The following KHDRBS2 variants were observed in gnomAD, a reference collection of about 807,000 sequenced individuals.
KHDRBS2 encodes the protein KH RNA binding domain containing, signal transduction associated 2, also known as KH domain-containing, RNA-binding, signal transduction-associated protein 2.
KHDRBS2 carries 26 observed loss-of-function variants against 44.3 expected under a neutral mutation model. That is an observed-to-expected ratio of 0.59 (90% confidence interval 0.43 to 0.81). KHDRBS2 has a LOEUF of 0.81. KHDRBS2 is among the 40% of genes least tolerant of loss of function. KHDRBS2 has a pLI of 0.00. For missense variants in KHDRBS2, 476 were observed against 433.1 expected, an observed-to-expected ratio of 1.10 and a Z score of -0.88; for synonymous variants, 194 against 151.1, an observed-to-expected ratio of 1.28 and a Z score of -2.08.
chr6:61,788,480 A>G (rs1208720711), intron 6 of KHDRBS2, among the ~76,000 whole-genome samples: 1 of 151,480 alleles, frequency 6.6e-6, no homozygotes, highest in Non-Finnish European at 1.5e-5. Flanking sequence ...ATTTGTTGTT[A>G]TACATTTGAC....
chr6:61,777,239 G>A (rs1236512483), intron 6 of KHDRBS2, among the ~76,000 whole-genome samples: 1 of 152,012 alleles, frequency 6.6e-6, no homozygotes, highest in Non-Finnish European at 1.5e-5. Context: ...GTATACATAT[G>A]TAACAAACCT....
At chr6:61,653,211 G>T in the KHDRBS2 span, among the ~76,000 whole-genome samples, 5 of 152,128 alleles carry the variant, frequency 3.3e-5, no homozygotes, top group African/African-American at 1.2e-4. Flanking sequence ...AGGTAAACAA[G>T]ATAAGGAGTT....
chr6:62,209,818 C>T (rs1407387999), intron 1 of KHDRBS2, among the ~76,000 whole-genome samples: 1 of 152,138 alleles, frequency 6.6e-6, no homozygotes, highest in Non-Finnish European at 1.5e-5. Context: ...GCTTCCTGCC[C>T]TCGAACATCA....
chr6:61,593,139 G>T, the KHDRBS2 span, among the ~76,000 whole-genome samples: 3 of 152,170 alleles, frequency 2.0e-5, no homozygotes, highest in Non-Finnish European at 4.4e-5. Flanking sequence ...ATGTTCTTAG[G>T]TTGTAATTTC....
chr6:62,106,936 T>C (rs9342666), intron 2 of KHDRBS2, among the ~76,000 whole-genome samples: 92,579 of 150,422 alleles, frequency 0.62, 28,662 homozygotes, highest in African/African-American at 0.63. Flanking sequence ...ATTGATGGGA[T>C]ATATCTCAAA....
At position 61,888,195 on chromosome 6, in the gene KHDRBS2, A is replaced by C. The variant is rs1390999900; in HGVS notation, c.810+6440T>G. On this transcript the variant is annotated intron_variant, in intron 6 of 8. Coordinates refer to ENST00000281156, the MANE Select transcript of KHDRBS2 (RefSeq NM_152688.4). ...CCCAATAACTATGTTTATATTGTGC[A>C]AACTTCTCCCCTCCTCTACCTTTGC... Among the ~76,000 whole-genome samples the C allele has an allele frequency of 5.3e-5, 8 of 152,304 alleles. No homozygotes were observed. In the East Asian group the frequency reaches 1.5e-3, roughly 29 times the overall value.
chr6:61,819,444 A>C lies in KHDRBS2; in HGVS notation c.810+75191T>G, dbSNP rs555840111. Among the ~76,000 whole-genome samples the C allele has an allele frequency of 5.3e-5, 8 of 152,146 alleles. No individual in the cohort carries two copies. In the East Asian group the frequency reaches 1.4e-3, roughly 26 times the overall value. The stretch of plus-strand genomic sequence containing the variant: ...TCTTTCTTTCCTGAGAGACATACAC[A>C]GTTCTCAAGTTGATACATATCTTAT... On this transcript the variant is annotated intron_variant, in intron 6 of 8. Coordinates refer to ENST00000281156, the MANE Select transcript of KHDRBS2 (RefSeq NM_152688.4).
chr6:62,253,103 C>CA (rs1401880850), intron 1 of KHDRBS2, among the ~76,000 whole-genome samples: 2 of 151,862 alleles, frequency 1.3e-5, no homozygotes, highest in Non-Finnish European at 2.9e-5. Flanking sequence ...ATATTCTTTA[C>CA]AAAAAACAGA....
At chr6:61,962,839 A>G (rs1430926201) in intron 4 of KHDRBS2, among the ~76,000 whole-genome samples, 2 of 152,098 alleles carry the variant, frequency 1.3e-5, no homozygotes, top group South Asian at 2.1e-4. Context: ...TCCATCAACT[A>G]TCAATGTGGG....
chr6:62,183,191 T>C (rs758702121), intron 1 of KHDRBS2, among the ~76,000 whole-genome samples: 10 of 151,786 alleles, frequency 6.6e-5, no homozygotes, highest in Admixed American at 1.3e-4. Flanking sequence ...CTTTTTATGA[T>C]TGGCACATTG....
chr6:62,276,672 C>T (rs1273497176), intron 1 of KHDRBS2, among the ~76,000 whole-genome samples: 5 of 152,182 alleles, frequency 3.3e-5, no homozygotes, highest in African/African-American at 9.6e-5. Flanking sequence ...ATAAGCTATA[C>T]TTATATTTTA....
intron 4 of KHDRBS2, among the ~76,000 whole-genome samples, chr6:61,954,577 G>GTGTATATACACATACATACTTATGTAT (rs1562510823): frequency 1.9e-5 from 2 of 104,228 alleles, no homozygotes; most frequent in African/African-American, 7.9e-5. Context: ...TACGTATGTA[G>GTGTATATACACATACATACTTATGTAT]ACATATTTAT....
intron 2 of KHDRBS2, among the ~76,000 whole-genome samples, chr6:62,102,576 G>A (rs1285213751): frequency 5.9e-5 from 9 of 152,168 alleles, no homozygotes; most frequent in East Asian, 1.9e-4. Context: ...GTTTCGGCCC[G>A]TTTCTGTTAC....
chr6:61,734,538 G>T (rs1232663484), intron 6 of KHDRBS2, among the ~76,000 whole-genome samples: 1 of 151,774 alleles, frequency 6.6e-6, no homozygotes, highest in African/African-American at 2.4e-5. Context: ...TGTCCATTCA[G>T]GTTGTTAAAT....
At chr6:61,761,391 T>C (rs1290841711) in intron 6 of KHDRBS2, among the ~76,000 whole-genome samples, 1 of 152,192 alleles carries the variant, frequency 6.6e-6, no homozygotes, top group Non-Finnish European at 1.5e-5. Context: ...ACACACAGTA[T>C]TTGTTTATAT....
At chr6:62,226,915 T>C (rs1361821579) in intron 1 of KHDRBS2, among the ~76,000 whole-genome samples, 3 of 152,224 alleles carry the variant, frequency 2.0e-5, no homozygotes, top group Admixed American at 6.5e-5. Flanking sequence ...CATGCTATTT[T>C]GGTTACTGTA....
the KHDRBS2 span, among the ~76,000 whole-genome samples, chr6:61,620,984 A>G: frequency 6.6e-6 from 1 of 152,264 alleles, no homozygotes; most frequent in Non-Finnish European, 1.5e-5. Flanking sequence ...TGTATCTCCA[A>G]TAATTCTCTT....
chr6:62,278,373 G>A (rs1233682219), intron 1 of KHDRBS2, among the ~76,000 whole-genome samples: 1 of 152,020 alleles, frequency 6.6e-6, no homozygotes, highest in Non-Finnish European at 1.5e-5. Flanking sequence ...ACTATAGACT[G>A]TATACATAAA....
intron 7 of KHDRBS2, among the ~76,000 whole-genome samples, chr6:61,730,552 A>C (rs1774288870): frequency 6.6e-6 from 1 of 152,110 alleles, no homozygotes; most frequent in African/African-American, 2.4e-5. Flanking sequence ...GCAGAGAAAT[A>C]AATGCTATAG....
Sources: gnomAD v4.1 joint callset for allele counts (sites outside exome capture counted in the v4.1 genomes callset) on GRCh38, gnomAD v4.1.1 for gene constraint, MANE v1.5 for transcripts, NCBI Gene and HGNC (gene_info 2026-07-23, HGNC 2026-07-21) for gene names.